The following CBR4 variants were observed in gnomAD, a reference collection of about 807,000 sequenced individuals.
CBR4 encodes 3-oxoacyl-[acyl-carrier-protein] reductase.
Under a neutral mutation model 21.0 loss-of-function variants are expected in CBR4, and 22 were observed. That is an observed-to-expected ratio of 1.05 (90% confidence interval 0.75 to 1.50). The LOEUF (loss-of-function observed/expected upper bound fraction) is 1.50. CBR4 is among the 40% of genes most tolerant of loss of function. CBR4 has a pLI of 0.00. For synonymous variants in CBR4, 100 were observed against 104.4 expected, an observed-to-expected ratio of 0.96 and a Z score of 0.26; for missense variants, 302 against 286.3, an observed-to-expected ratio of 1.05 and a Z score of -0.40.
At chr4:168,997,414 C>A (rs1579007297) in intron 4 of CBR4, among the ~76,000 whole-genome samples, 2 of 152,090 alleles carry the variant, frequency 1.3e-5, no homozygotes, top group South Asian at 2.1e-4. Flanking sequence ...ATGGCTCCTG[C>A]CCAATGAGGA....
chr4:168,914,172 T>C, intron 2 of CBR4: 2 of 665,892 alleles, frequency 3.0e-6, no homozygotes, highest in Non-Finnish European at 5.4e-6. Context: ...TCCTTGATTA[T>C]TATGCTCCCT....
At chr4:168,898,433 G>A (rs1241416207) in intron 2 of CBR4, 25 of 1,050,352 alleles carry the variant, frequency 2.4e-5, no homozygotes, top group Non-Finnish European at 3.7e-5. Context: ...GGGGCAGGGA[G>A]AGACGTGACA....
At chr4:168,925,204 T>C in intron 2 of CBR4, 17 of 1,526,366 alleles carry the variant, frequency 1.1e-5, no homozygotes, top group Non-Finnish European at 1.5e-5. Context: ...AAAAAATTCA[T>C]ATTGCTCTCT....
At position 168,924,334 on chromosome 4, in the gene CBR4, G is replaced by A; in HGVS notation, n.170-29569C>T. 2 of 1,613,884 alleles carry A rather than the reference G, an allele frequency of 1.2e-6. No individual in the cohort carries two copies. The highest frequency in any genetic ancestry group is 1.7e-6 in the Non-Finnish European group (2 of 1,179,852). On this transcript the variant is annotated intron_variant and non_coding_transcript_variant, in intron 2 of 3. Coordinates refer to the CBR4 transcript ENST00000509108. ...TTGCTGATGGGTACCCAGTGCGGCT[G>A]GAATGTCGTGTATTGGGAGTGCCAC...
intron 4 of CBR4, chr4:169,001,669 C>T (rs1373785665): frequency 6.5e-6 from 1 of 152,740 alleles, no homozygotes; most frequent in Non-Finnish European, 1.5e-5. Context: ...TAGAGCCTGC[C>T]ACCTCCTCTC....
At chr4:168,933,216 G>A (rs1763015944) in intron 2 of CBR4, among the ~76,000 whole-genome samples, 2 of 152,018 alleles carry the variant, frequency 1.3e-5, no homozygotes, top group South Asian at 4.1e-4. Flanking sequence ...AAAAGACGTT[G>A]AATGAATGAA....
At chr4:169,003,852 A>C (rs1290274872) in intron 3 of CBR4, among the ~76,000 whole-genome samples, 1 of 152,182 alleles carries the variant, frequency 6.6e-6, no homozygotes, top group Non-Finnish European at 1.5e-5. Flanking sequence ...AGGACAAAAA[A>C]CCAAACACCG....
intron 2 of CBR4, among the ~76,000 whole-genome samples, chr4:168,942,974 T>G (rs1763303252): frequency 6.6e-6 from 1 of 152,086 alleles, no homozygotes; most frequent in African/African-American, 2.4e-5. Flanking sequence ...AATAATAAGT[T>G]CTGCCAAGAA....
intron 4 of CBR4, among the ~76,000 whole-genome samples, chr4:168,997,643 TTC>T (rs1319190265): frequency 1.3e-5 from 2 of 152,230 alleles, no homozygotes; most frequent in Admixed American, 1.3e-4. Context: ...CTTTATCGAT[TTC>T]TGACTAGCTA....
intron 2 of CBR4, among the ~76,000 whole-genome samples, chr4:168,922,473 T>C (rs1037888260): frequency 1.3e-5 from 2 of 152,200 alleles, no homozygotes; most frequent in Non-Finnish European, 2.9e-5. Context: ...GCAAATCTTC[T>C]CTGAATTTTC....
chr4:168,903,236 C>T lies in CBR4; in HGVS notation n.170-8471G>A, dbSNP rs1228471794. On this transcript the variant is annotated intron_variant and non_coding_transcript_variant, in intron 2 of 3. Transcript: ENST00000509108. ...ATTCCACCCATCACCAACCCTTAGT[C>T]ATCACCTCCCTCCCTACCAACCTCT... 2.6e-5 allele frequency among the ~76,000 whole-genome samples: 4 copies of T among 152,318 alleles called. No homozygotes were observed. In the East Asian group the frequency reaches 5.8e-4, roughly 22 times the overall value.
At chr4:168,969,669 G>A (rs904134535) in intron 2 of CBR4, among the ~76,000 whole-genome samples, 3 of 152,110 alleles carry the variant, frequency 2.0e-5, no homozygotes. Flanking sequence ...TAGAAGCAAA[G>A]ACTGGCTGCC....
At chr4:168,933,361 G>C (rs1349612950) in intron 2 of CBR4, among the ~76,000 whole-genome samples, 1 of 152,114 alleles carries the variant, frequency 6.6e-6, no homozygotes, top group Non-Finnish European at 1.5e-5. Context: ...AGCAGAAGTA[G>C]CTATTCTTAT....
chr4:168,988,777 A>G lies in CBR4; in HGVS notation c.*1373T>C. 1 of 962,082 alleles carries G rather than the reference A, an allele frequency of 1.0e-6. No homozygotes were observed. The highest frequency in any genetic ancestry group is 4.8e-5 in the South Asian group (1 of 20,872). The allele number at this position is 962,082 out of a possible 1,614,324, so 59.6% of individuals were successfully genotyped here. A position where few individuals can be genotyped will look rare whatever the true frequency, so the allele number is the denominator to read the frequency against. ...AAACTATTTCAAAGATAAATTTAAA[A>G]TAATTTTTAAGGAACCCAGAATTTT... On this transcript the variant is annotated 3_prime_UTR_variant, in exon 5 of 5. Coordinates refer to ENST00000306193, the MANE Select transcript of CBR4 (RefSeq NM_032783.5).
chr4:168,958,568 T>C (rs1233620376), intron 2 of CBR4, among the ~76,000 whole-genome samples: 2 of 152,272 alleles, frequency 1.3e-5, no homozygotes, highest in African/African-American at 2.4e-5. Flanking sequence ...TTTATTTATA[T>C]TGGGAAAATA....
chr4:168,934,171 T>C (rs1188119195), intron 2 of CBR4, among the ~76,000 whole-genome samples: 1 of 150,514 alleles, frequency 6.6e-6, no homozygotes, highest in Non-Finnish European at 1.5e-5. Context: ...CAGGTTGCTT[T>C]GAGGCCAGGA....
At chr4:168,939,942 A>G (rs1021160679) in intron 2 of CBR4, among the ~76,000 whole-genome samples, 12 of 152,236 alleles carry the variant, frequency 7.9e-5, no homozygotes, top group African/African-American at 2.9e-4. Flanking sequence ...AAACTACTTT[A>G]AATTTCATAT....
downstream of CBR4, among the ~76,000 whole-genome samples, chr4:168,983,155 T>A (rs1478192415): frequency 2.0e-5 from 3 of 152,020 alleles, no homozygotes; most frequent in Non-Finnish European, 4.4e-5. Context: ...TAAATAAGAT[T>A]GATAGACTGC....
At chr4:168,970,438 G>A (rs916628640) in intron 2 of CBR4, among the ~76,000 whole-genome samples, 1 of 151,854 alleles carries the variant, frequency 6.6e-6, no homozygotes, top group Non-Finnish European at 1.5e-5. Flanking sequence ...TTTGTTTTAT[G>A]TCCTCATCAA....
Sources: gnomAD v4.1 joint callset for allele counts (sites outside exome capture counted in the v4.1 genomes callset) on GRCh38, gnomAD v4.1.1 for gene constraint, MANE v1.5 for transcripts, NCBI Gene and HGNC (gene_info 2026-07-23, HGNC 2026-07-21) for gene names.